EYS: variants seen among roughly 807,000 people sequenced by gnomAD.
EYS encodes the protein EGF-like photoreceptor maintenance factor.
In EYS, 250 loss-of-function variants were observed where a neutral mutation model predicts 282.1. The observed-to-expected ratio is 0.89, with a 90% CI of 0.80 to 0.98. EYS has a LOEUF of 0.98. Among genes scored for constraint, EYS ranks in the 50% least tolerant of loss-of-function variants. The probability of loss-of-function intolerance (pLI) is 0.00; values close to 1 mark genes in which losing one functional copy is unlikely to be tolerated. For missense variants in EYS, 4,016 were observed against 3,709.0 expected (o/e 1.08, Z -2.15); for synonymous variants, 1,355 against 1,282.9 (o/e 1.06, Z -1.20).
At chr6:64,786,377 C>G (rs1661528282) in intron 22 of EYS, among the ~76,000 whole-genome samples, 1 of 152,030 alleles carries the variant, frequency 6.6e-6, no homozygotes, top group Non-Finnish European at 1.5e-5. Flanking sequence ...GAGGCAGTGT[C>G]TGATTTGCAT....
intron 33 of EYS, among the ~76,000 whole-genome samples, chr6:64,025,851 C>T (rs1038082970): frequency 6.6e-5 from 10 of 152,168 alleles, no homozygotes; most frequent in Non-Finnish European, 1.2e-4. Context: ...GGCATAACAT[C>T]TTTATAGGAA....
intron 13 of EYS, among the ~76,000 whole-genome samples, chr6:65,030,673 G>T (rs1412367367): frequency 6.6e-6 from 1 of 152,180 alleles, no homozygotes; most frequent in Non-Finnish European, 1.5e-5. Context: ...CACAGCAGGT[G>T]CTTAACGTTG....
At chr6:65,075,550 T>C (rs372216217) in intron 12 of EYS, among the ~76,000 whole-genome samples, 1 of 151,984 alleles carries the variant, frequency 6.6e-6, no homozygotes, top group East Asian at 1.9e-4. Flanking sequence ...GAAGTTCGGG[T>C]TAAAGTTTTA....
At chr6:64,996,334 C>A (rs1173299607) in intron 14 of EYS, among the ~76,000 whole-genome samples, 1 of 152,068 alleles carries the variant, frequency 6.6e-6, no homozygotes, top group African/African-American at 2.4e-5. Flanking sequence ...AACTATACCC[C>A]CCCATCTTGC....
At chr6:64,351,810 G>T (rs1444041595) in intron 29 of EYS, among the ~76,000 whole-genome samples, 1 of 151,352 alleles carries the variant, frequency 6.6e-6, no homozygotes, top group African/African-American at 2.4e-5. Flanking sequence ...ATTAAAATGG[G>T]CATATATATG....
intron 22 of EYS, among the ~76,000 whole-genome samples, chr6:64,666,109 A>G (rs7742322): frequency 0.041 from 6,244 of 152,234 alleles, 301 homozygotes; most frequent in East Asian, 0.11. Flanking sequence ...GAGTGAGGAG[A>G]GGGAGAGGAG....
chr6:64,829,274 A>G (rs1444092689), intron 19 of EYS, among the ~76,000 whole-genome samples: 6 of 152,110 alleles, frequency 3.9e-5, no homozygotes, highest in Non-Finnish European at 8.8e-5. Context: ...AGCCACCACA[A>G]TGGTGGTACA....
intron 22 of EYS, among the ~76,000 whole-genome samples, chr6:64,792,898 G>T (rs114704966): frequency 0.017 from 2,407 of 145,682 alleles, 74 homozygotes; most frequent in African/African-American, 0.056. Context: ...ATTAAGGGAA[G>T]AGCTTTAGTA....
intron 6 of EYS, 70 bp from the exon 7 acceptor site, chr6:65,402,675 C>A: frequency 9.8e-7 from 1 of 1,023,974 alleles, no homozygotes; most frequent in South Asian, 1.5e-5. Context: ...TGGGTTCTTA[C>A]CTGGAGAAGG....
intron 31 of EYS, among the ~76,000 whole-genome samples, chr6:64,133,940 A>C (rs1774076279): frequency 6.6e-6 from 1 of 152,014 alleles, no homozygotes; most frequent in African/African-American, 2.4e-5. Context: ...TGCTAAGGGA[A>C]GCTTCTCTGA....
intron 15 of EYS, among the ~76,000 whole-genome samples, chr6:64,937,854 T>C (rs1270776301): frequency 6.6e-6 from 1 of 151,684 alleles, no homozygotes; most frequent in Non-Finnish European, 1.5e-5. Context: ...TTATTCATAA[T>C]AGTCAAAAAG....
intron 12 of EYS, among the ~76,000 whole-genome samples, chr6:65,184,822 CTT>C (rs1765478006): frequency 6.6e-6 from 1 of 151,510 alleles, no homozygotes; most frequent in Admixed American, 6.6e-5. Context: ...TATATTTTGA[CTT>C]ATCAATAAAA....
At chr6:64,392,634 A>G (rs1228886090) in intron 28 of EYS, among the ~76,000 whole-genome samples, 1 of 151,340 alleles carries the variant, frequency 6.6e-6, no homozygotes, top group Non-Finnish European at 1.5e-5. Context: ...AGCAGTGTGT[A>G]GAGGGAAATT....
At chr6:64,093,431 G>C (rs1280247046) in intron 31 of EYS, among the ~76,000 whole-genome samples, 7 of 152,014 alleles carry the variant, frequency 4.6e-5, no homozygotes, top group African/African-American at 7.2e-5. Flanking sequence ...TTATTTCATT[G>C]AGCAGTGGTT....
chr6:65,670,837 C>T (rs1399616751), intron 1 of EYS, among the ~76,000 whole-genome samples: 1 of 151,784 alleles, frequency 6.6e-6, no homozygotes, highest in Non-Finnish European at 1.5e-5. Context: ...AAGTTAATTA[C>T]AATCCTTGTT....
chr6:64,182,699 G>A (rs988151009), intron 31 of EYS, among the ~76,000 whole-genome samples: 2 of 151,924 alleles, frequency 1.3e-5, no homozygotes, highest in Admixed American at 6.6e-5. Context: ...ACATCTCATC[G>A]GGTTGCTGTC....
At chr6:65,419,678 T>C (rs897066434) in intron 5 of EYS, among the ~76,000 whole-genome samples, 51 of 152,060 alleles carry the variant, frequency 3.4e-4, no homozygotes, top group African/African-American at 1.2e-3. Flanking sequence ...ATATCCAAAA[T>C]AAAATTATCA....
chr6:63,761,756 G>A (rs144912727), intron 41 of EYS, among the ~76,000 whole-genome samples: 1 of 152,108 alleles, frequency 6.6e-6, no homozygotes, highest in Non-Finnish European at 1.5e-5. Flanking sequence ...GTCTCAGGAA[G>A]CTAGGATATG....
At chr6:63,771,708 TG>T (rs1205714073) in intron 40 of EYS, among the ~76,000 whole-genome samples, 91 of 152,258 alleles carry the variant, frequency 6.0e-4, no homozygotes, top group Admixed American at 1.1e-3. Context: ...TAAGCCACAG[TG>T]TAGGGAGGCT....
Sources: allele counts gnomAD v4.1 joint callset (sites outside exome capture counted in the v4.1 genomes callset), GRCh38; gene constraint gnomAD v4.1.1; transcripts MANE v1.5; gene names NCBI Gene and HGNC (gene_info 2026-07-23, HGNC 2026-07-21).